CYYR1: variants seen among roughly 807,000 people sequenced by gnomAD.
CYYR1 encodes cysteine and tyrosine-rich protein 1.
CYYR1 carries 14 observed loss-of-function variants against 15.2 expected under a neutral mutation model. The ratio of observed to expected loss-of-function variants is 0.92; its 90% confidence interval spans 0.61 to 1.44. The LOEUF is 1.44. CYYR1 is among the 40% of genes most tolerant of loss of function. The pLI is 0.00. For synonymous variants in CYYR1, 80 were observed against 77.4 expected (o/e 1.03, Z -0.18); for missense variants, 228 against 209.5 (o/e 1.09, Z -0.54).
chr21:26,546,823 A>T (rs1005022472), intron 2 of CYYR1, among the ~76,000 whole-genome samples: 2 of 152,190 alleles, frequency 1.3e-5, no homozygotes, highest in African/African-American at 4.8e-5. Flanking sequence ...TTACAGCCCT[A>T]CAGCAACAAT....
At chr21:26,565,491 T>A (rs964538676) in intron 2 of CYYR1, among the ~76,000 whole-genome samples, 2 of 152,226 alleles carry the variant, frequency 1.3e-5, no homozygotes, top group Non-Finnish European at 2.9e-5. Context: ...GAAATTCTTA[T>A]GTTCCCAATT....
At chr21:26,526,807 G>C (rs1426182133) in intron 2 of CYYR1, among the ~76,000 whole-genome samples, 3 of 152,074 alleles carry the variant, frequency 2.0e-5, no homozygotes, top group African/African-American at 7.2e-5. Flanking sequence ...TTGGGTAAAA[G>C]CTTTTTTAAG....
chr21:26,531,295 T>C (rs972582507), intron 2 of CYYR1, among the ~76,000 whole-genome samples: 2 of 152,176 alleles, frequency 1.3e-5, no homozygotes, highest in Admixed American at 1.3e-4. Flanking sequence ...ACAACCGTTC[T>C]TCTCATCCCG....
chr21:26,492,079 A>T (rs1345308618), intron 2 of CYYR1, among the ~76,000 whole-genome samples: 2 of 152,212 alleles, frequency 1.3e-5, no homozygotes, highest in Admixed American at 1.3e-4. Flanking sequence ...GAGCTGTCAT[A>T]CTTTGGCTTC....
intron 2 of CYYR1, among the ~76,000 whole-genome samples, chr21:26,490,829 A>G (rs1012398960): frequency 5.3e-5 from 8 of 152,280 alleles, no homozygotes; most frequent in Admixed American, 5.2e-4. Flanking sequence ...CATCCACTCA[A>G]CAAATGCTAT....
At chr21:26,473,963 G>C (rs779951162) in intron 3 of CYYR1, among the ~76,000 whole-genome samples, 61 of 151,868 alleles carry the variant, frequency 4.0e-4, no homozygotes, top group Non-Finnish European at 8.1e-4. Flanking sequence ...CACTTTTCAA[G>C]CTATTATCTA....
In CYYR1 at chr21:26,480,572, T is replaced by TC. The variant is rs565082064; in HGVS notation, c.177-144_177-143insG. On this transcript the variant is annotated intron_variant, in intron 2 of 3. Transcript: ENST00000652641. ...TGTGTGTGTTTTTCTTTTCTTTTTT[T>TC]TTTTAAAACCCATAAGTTCCCTGAA... is the stretch of plus-strand genomic sequence containing the variant. The TC allele has an allele frequency of 1.1e-4, 91 of 856,858 alleles. No individual in the cohort carries two copies. The South Asian group carries it at 2.4e-3, about 22-fold the overall frequency. 53.1% of individuals were successfully genotyped at this position (856,858 alleles called of 1,614,324 possible). A position where few individuals can be genotyped will look rare whatever the true frequency, so the allele number is the denominator to read the frequency against.
intron 2 of CYYR1, among the ~76,000 whole-genome samples, chr21:26,556,741 C>T (rs1203362578): frequency 1.3e-5 from 2 of 152,122 alleles, no homozygotes; most frequent in African/African-American, 4.8e-5. Flanking sequence ...AATCCACGCC[C>T]ATGATCCATT....
chr21:26,469,321 G>C (rs1263182200), intron 3 of CYYR1, among the ~76,000 whole-genome samples: 7 of 152,018 alleles, frequency 4.6e-5, no homozygotes, highest in Non-Finnish European at 2.9e-5. Context: ...ATAATTGGAG[G>C]GGGGTGGAAC....
chr21:26,564,192 A>C lies in CYYR1; in HGVS notation c.176+2074T>G, dbSNP rs1475198895. 2.0e-5 allele frequency among the ~76,000 whole-genome samples: 3 copies of C among 152,240 alleles called. No individual in the cohort carries two copies. The East Asian group carries it at 5.8e-4, about 29-fold the overall frequency. The stretch of plus-strand genomic sequence containing the variant: ...CGCCGACCACCCATTAAAAAAAAAA[A>C]ACACTTTGGGTGGAGTTAAGAATTC... On this transcript the variant is annotated intron_variant, in intron 2 of 3. Transcript: ENST00000652641.
At chr21:26,567,977 A>G (rs1292302236) in intron 1 of CYYR1, 2 of 152,220 alleles carry the variant, frequency 1.3e-5, no homozygotes, top group African/African-American at 2.4e-5. Context: ...ATGACCCTTG[A>G]GGCTTACCTC....
intron 2 of CYYR1, among the ~76,000 whole-genome samples, chr21:26,540,752 G>T (rs984778297): frequency 6.6e-6 from 1 of 151,780 alleles, no homozygotes; most frequent in Admixed American, 6.6e-5. Flanking sequence ...AAATGTCCAG[G>T]GTATAATTCC....
chr21:26,467,527 T>A lies in CYYR1; in HGVS notation c.*974A>T, dbSNP rs1266851555. 6.6e-6 allele frequency: 1 copy of A among 152,184 alleles called. No individual in the cohort carries two copies. Among genetic ancestry groups the A allele is most frequent in the African/African-American group, 2.4e-5 (1 of 41,474 alleles). The allele number at this position is 152,184 out of a possible 1,614,324, so 9.4% of individuals were successfully genotyped here. On this transcript the variant is annotated 3_prime_UTR_variant, in exon 4 of 4. Transcript: ENST00000652641. ...GTATCTTCATGGTCAAGTTCTGAGA[T>A]TTTTGCTCCCTGACCTAAAATCCTG...
intron 2 of CYYR1, among the ~76,000 whole-genome samples, chr21:26,552,997 G>T (rs180794230): frequency 4.7e-4 from 72 of 151,942 alleles, no homozygotes; most frequent in Non-Finnish European, 9.9e-4. Context: ...GTTTTCTCTG[G>T]TATCATTTGC....
intron 2 of CYYR1, among the ~76,000 whole-genome samples, chr21:26,533,203 A>C (rs1018905425): frequency 3.4e-5 from 5 of 148,988 alleles, no homozygotes; most frequent in African/African-American, 1.2e-4. Context: ...TTTACTGTTT[A>C]CTAATTTATA....
intron 2 of CYYR1, among the ~76,000 whole-genome samples, chr21:26,524,518 A>G (rs1164388501): frequency 6.6e-6 from 1 of 152,308 alleles, no homozygotes; most frequent in Middle Eastern, 3.4e-3. Context: ...TTAAAAACAA[A>G]TTACCTTGTG....
chr21:26,528,236 A>G (rs534773036), intron 2 of CYYR1, among the ~76,000 whole-genome samples: 1 of 152,188 alleles, frequency 6.6e-6, no homozygotes, highest in East Asian at 1.9e-4. Context: ...ATTAAATACT[A>G]TTTTCCAGAA....
intron 2 of CYYR1, among the ~76,000 whole-genome samples, chr21:26,484,985 A>T (rs1222569883): frequency 6.6e-6 from 1 of 152,084 alleles, no homozygotes; most frequent in Non-Finnish European, 1.5e-5. Context: ...AATTTACAGC[A>T]TTATTTACTT....
At position 26,572,162 on chromosome 21, in the gene CYYR1, AACTGATGCAAAG is replaced by A. The variant is rs1477869971; in HGVS notation, c.73+694_73+705del. On this transcript the variant is annotated intron_variant, in intron 1 of 3. Coordinates refer to ENST00000652641, the MANE Select transcript of CYYR1 (RefSeq NM_001320768.2). ...TAGCTTGCATTGTTTTGTGAATATG[AACTGATGCAAAG>A]ACCACGTGTGTAAGACACTTTATAC... 2.0e-5 allele frequency among the ~76,000 whole-genome samples: 3 copies of A among 152,368 alleles called. No homozygotes were observed. In the East Asian group the frequency reaches 5.8e-4, roughly 29 times the overall value.
Sources: gnomAD v4.1 joint callset for allele counts (sites outside exome capture counted in the v4.1 genomes callset) on GRCh38, gnomAD v4.1.1 for gene constraint, MANE v1.5 for transcripts, NCBI Gene and HGNC (gene_info 2026-07-23, HGNC 2026-07-21) for gene names.